Variants in ATP9B observed in about 807,000 individuals in gnomAD.
The protein encoded by ATP9B is probable phospholipid-transporting ATPase IIB.
A neutral mutation model predicts 146.1 loss-of-function variants in ATP9B; 110 were observed. The observed-to-expected ratio is 0.75, with a 90% CI of 0.65 to 0.88. ATP9B has a LOEUF of 0.88. Among genes scored for constraint, ATP9B ranks in the 40% least tolerant of loss-of-function variants. The probability of loss-of-function intolerance (pLI) is 0.00; values close to 1 mark genes in which losing one functional copy is unlikely to be tolerated. For synonymous variants in ATP9B, 604 were observed against 569.7 expected (o/e 1.06, Z -0.86); for missense variants, 1,499 against 1,496.4 (o/e 1.00, Z -0.03).
chr18:79,232,229 T>C (rs1357883149), intron 11 of ATP9B, among the ~76,000 whole-genome samples: 1 of 152,190 alleles, frequency 6.6e-6, no homozygotes, highest in Non-Finnish European at 1.5e-5. Flanking sequence ...GAAACACTTG[T>C]GAAGGGTAGA....
chr18:79,233,633 C>G (rs556408065), intron 11 of ATP9B, among the ~76,000 whole-genome samples: 1 of 152,100 alleles, frequency 6.6e-6, no homozygotes, highest in Non-Finnish European at 1.5e-5. Context: ...TTAGGTGTGT[C>G]GTTACAGATG....
chr18:79,149,588 A>G (rs1433590080), intron 6 of ATP9B, among the ~76,000 whole-genome samples: 1 of 152,172 alleles, frequency 6.6e-6, no homozygotes, highest in Non-Finnish European at 1.5e-5. Flanking sequence ...AAAATTAAAA[A>G]TGTGTGCCTT....
intron 1 of ATP9B, among the ~76,000 whole-genome samples, chr18:79,082,244 C>T (rs182979300): frequency 5.3e-5 from 8 of 152,224 alleles, no homozygotes; most frequent in Admixed American, 3.9e-4. Context: ...CTGTGTTTTT[C>T]GGCTCCATCA....
Position 79,345,851 on chromosome 18 carries a change from C to T in ATP9B, c.2682+12C>T, listed in dbSNP as rs764835323. 1 of 1,613,896 alleles carries T rather than the reference C, an allele frequency of 6.2e-7. No individual in the cohort carries two copies. The highest frequency in any genetic ancestry group is 8.5e-7 in the Non-Finnish European group (1 of 1,179,986). ...GGATTGAGGGAAAGGTAGGTTCGCCCTTTTATCAACACATTAGCACACAGT... is the reference window on the plus strand; with the variant it reads ...GGATTGAGGGAAAGGTAGGTTCGCCTTTTTATCAACACATTAGCACACAGT... On this transcript the variant is annotated intron_variant, in intron 23 of 29. Transcript: ENST00000426216.
intron 2 of ATP9B, among the ~76,000 whole-genome samples, chr18:79,099,931 C>A (rs2075129889): frequency 6.6e-6 from 1 of 152,054 alleles, no homozygotes; most frequent in Admixed American, 6.5e-5. Flanking sequence ...TTGAGACCAT[C>A]CTGGCCAACA....
chr18:79,143,921 T>G (rs2094545518), intron 6 of ATP9B, 61 bp downstream of exon 6: 1 of 1,018,656 alleles, frequency 9.8e-7, no homozygotes, highest in African/African-American at 1.7e-5. Flanking sequence ...TTTAGCCTGA[T>G]TATAAGTAAC....
intron 7 of ATP9B, among the ~76,000 whole-genome samples, chr18:79,161,866 G>A (rs2094888002): frequency 2.0e-5 from 3 of 152,096 alleles, no homozygotes; most frequent in Non-Finnish European, 2.9e-5. Flanking sequence ...AAGTCAGATT[G>A]TTTTTTCATG....
At chr18:79,250,283 T>C (rs1292570291) in intron 11 of ATP9B, among the ~76,000 whole-genome samples, 1 of 152,248 alleles carries the variant, frequency 6.6e-6, no homozygotes, top group African/African-American at 2.4e-5. Context: ...GTGGTGGTTA[T>C]GCATTTTGCA....
chr18:79,204,723 C>G (rs2095518729), intron 9 of ATP9B, among the ~76,000 whole-genome samples: 1 of 152,190 alleles, frequency 6.6e-6, no homozygotes. Flanking sequence ...TCAGCACATA[C>G]TGTAGACAGA....
At chr18:79,200,936 G>A (rs1049056069) in intron 9 of ATP9B, among the ~76,000 whole-genome samples, 66 of 152,276 alleles carry the variant, frequency 4.3e-4, no homozygotes, top group African/African-American at 1.3e-3. Context: ...TAGGACGGTC[G>A]GTTGGCCTCT....
intron 11 of ATP9B, among the ~76,000 whole-genome samples, chr18:79,248,363 A>G (rs2095989422): frequency 6.6e-6 from 1 of 152,200 alleles, no homozygotes. Context: ...AAGGTCTGAA[A>G]ATTACTTATT....
rs1289989938 is a variant in ATP9B at position 79,173,800 on chromosome 18, A to C, written c.779-3013A>C. Reference sequence around the variant, plus strand: ...CTTCCTTTTTCCCCCACATTGTTTTAGCCATTCTAAACAACTTTTAGCTGT... The same window carrying C: ...CTTCCTTTTTCCCCCACATTGTTTTCGCCATTCTAAACAACTTTTAGCTGT... On this transcript the variant is annotated intron_variant, in intron 7 of 29. Transcript: ENST00000426216. The C allele has an allele frequency of 1.1e-5, 5 of 454,074 alleles. No individual in the cohort carries two copies. The Admixed American group carries it at 1.2e-4, about 11-fold the overall frequency. The allele number at this position is 454,074 out of a possible 1,614,324, so 28.1% of individuals were successfully genotyped here.
At chr18:79,264,366 T>G (rs2096178848) in intron 12 of ATP9B, among the ~76,000 whole-genome samples, 1 of 152,212 alleles carries the variant, frequency 6.6e-6, no homozygotes, top group South Asian at 2.1e-4. Flanking sequence ...ACTTTCTAAG[T>G]CTTTTGTCTG....
At position 79,316,799 on chromosome 18, in the gene ATP9B, A is replaced by G. The variant is rs115689530; in HGVS notation, c.1773+9565A>G. Among the ~76,000 whole-genome samples, 1,053 of 152,342 alleles carry G rather than the reference A, an allele frequency of 6.9e-3. 5 individuals carry two copies. The highest frequency in any genetic ancestry group is 0.022 in the African/African-American group (930 of 41,564). ...AGGAAGAAAAAGTAAAGGAAAACAT[A>G]CAAGTAATGATTGAGTAAGCAGTAA... On this transcript the variant is annotated intron_variant, in intron 15 of 29. Transcript: ENST00000426216.
chr18:79,227,547 G>C (rs1347192349), intron 11 of ATP9B, among the ~76,000 whole-genome samples: 1 of 152,176 alleles, frequency 6.6e-6, no homozygotes, highest in African/African-American at 2.4e-5. Context: ...GATGAGTCCA[G>C]GGGTTTCTTC....
chr18:79,125,583 TGAA>T (rs1008141625), intron 4 of ATP9B, among the ~76,000 whole-genome samples: 3 of 152,186 alleles, frequency 2.0e-5, no homozygotes, highest in African/African-American at 7.2e-5. Flanking sequence ...GAGATTGACT[TGAA>T]GAATATTCCT....
chr18:79,272,257 C>A (rs2096263602), intron 12 of ATP9B, among the ~76,000 whole-genome samples: 1 of 152,204 alleles, frequency 6.6e-6, no homozygotes, highest in Non-Finnish European at 1.5e-5. Context: ...ACATCTTGTG[C>A]AATGGATGCA....
At chr18:79,163,994 C>T (rs1237912367) in intron 7 of ATP9B, among the ~76,000 whole-genome samples, 1 of 152,024 alleles carries the variant, frequency 6.6e-6, no homozygotes, top group Non-Finnish European at 1.5e-5. Flanking sequence ...TCATAGCTCA[C>T]TGCAGTCTCG....
intron 19 of ATP9B, 131 bp downstream of exon 19, chr18:79,337,580 C>A: frequency 8.2e-7 from 1 of 1,223,934 alleles, no homozygotes; most frequent in Non-Finnish European, 1.1e-6. Flanking sequence ...CAGAGCTGCC[C>A]ACCAGCTCCC....
Sources: gnomAD v4.1 joint callset for allele counts (sites outside exome capture counted in the v4.1 genomes callset) on GRCh38, gnomAD v4.1.1 for gene constraint, MANE v1.5 for transcripts, NCBI Gene and HGNC (gene_info 2026-07-23, HGNC 2026-07-21) for gene names.